CAMK2G: variants seen among roughly 807,000 people sequenced by gnomAD.
CAMK2G encodes calcium/calmodulin-dependent protein kinase type II subunit gamma.
A neutral mutation model predicts 88.7 loss-of-function variants in CAMK2G; 23 were observed. The ratio of observed to expected loss-of-function variants is 0.26; its 90% CI spans 0.19 to 0.37. CAMK2G has a LOEUF of 0.37. Among genes scored for constraint, CAMK2G ranks in the 10% least tolerant of loss-of-function variants. The probability of loss-of-function intolerance (pLI) is 1.00; values close to 1 mark genes in which losing one functional copy is unlikely to be tolerated. For missense variants in CAMK2G, 476 were observed against 780.8 expected (o/e 0.61, Z 4.65); for synonymous variants, 263 against 294.8 (o/e 0.89, Z 1.11).
intron 5 of CAMK2G, among the ~76,000 whole-genome samples, chr10:73,851,636 T>C (rs993698094): frequency 3.3e-5 from 5 of 151,264 alleles, no homozygotes; most frequent in Non-Finnish European, 5.9e-5. Context: ...GAGGGGGACA[T>C]TGGGCATGGT....
intron 2 of CAMK2G, among the ~76,000 whole-genome samples, chr10:73,864,073 G>A (rs1056482890): frequency 4.6e-5 from 7 of 152,148 alleles, no homozygotes; most frequent in African/African-American, 1.2e-4. Flanking sequence ...GGCTGGGCGC[G>A]GTGGGTCACG....
At chr10:73,847,416 C>T in intron 9 of CAMK2G, 69 bp from the exon 10 acceptor site, 1 of 1,532,488 alleles carries the variant, frequency 6.5e-7, no homozygotes, top group Non-Finnish European at 9.0e-7. Flanking sequence ...CTGGTTCTGT[C>T]TTCAACTCAA....
Position 73,815,375 on chromosome 10 carries a change from C to CA in CAMK2G, c.1535-129_1535-128insT, listed in dbSNP as rs1278122237. ...CCCAGAATCTCCAAGTACCGCCCCCCCCCACCCCCGAACCCCTGAACGCCC... is the reference window on the plus strand; with the variant it reads ...CCCAGAATCTCCAAGTACCGCCCCCCACCCACCCCCGAACCCCTGAACGCCC... On this transcript the variant is annotated intron_variant, in intron 21 of 22. Transcript: ENST00000423381. 4.0e-5 allele frequency: 26 copies of CA among 657,836 alleles called. No individual in the cohort carries two copies. In the East Asian group the frequency reaches 5.8e-4, roughly 15 times the overall value. The allele number at this position is 657,836 out of a possible 1,614,324, so 40.7% of individuals were successfully genotyped here.
At chr10:73,838,080 T>C (rs1019340843) in intron 13 of CAMK2G, among the ~76,000 whole-genome samples, 20 of 152,230 alleles carry the variant, frequency 1.3e-4, no homozygotes, top group African/African-American at 4.6e-4. Context: ...CACTGGGTCC[T>C]AGCTGCCACC....
At chr10:73,818,930 C>T (rs1251515262) in intron 19 of CAMK2G, 5 of 417,536 alleles carry the variant, frequency 1.2e-5, no homozygotes, top group Admixed American at 7.6e-5. Context: ...GATAACCCAT[C>T]GAGGCACCGT....
In CAMK2G at chr10:73,813,562, G is replaced by C. The variant is rs1307168326; in HGVS notation, c.*956C>G. On this transcript the variant is annotated 3_prime_UTR_variant, in exon 23 of 23. Transcript: ENST00000423381. ...AGCATGGGGACCACTACCGTGAAAAGGCAAGACAAAGATGGTCCAGATCAG... is the reference window on the plus strand; with the variant it reads ...AGCATGGGGACCACTACCGTGAAAACGCAAGACAAAGATGGTCCAGATCAG... The C allele has an allele frequency of 1.3e-5, 2 of 152,742 alleles. No individual in the cohort carries two copies. The highest frequency in any genetic ancestry group is 6.5e-5 in the Admixed American group (1 of 15,286). 9.5% of individuals were successfully genotyped at this position (152,742 alleles called of 1,614,324 possible). A position where few individuals can be genotyped will look rare whatever the true frequency, so the allele number is the denominator to read the frequency against.
chr10:73,827,582 G>A (rs533287112), intron 15 of CAMK2G, among the ~76,000 whole-genome samples: 2 of 152,344 alleles, frequency 1.3e-5, no homozygotes, highest in East Asian at 3.9e-4. Context: ...TCCCCCGAGG[G>A]CTGGGTGGGC....
At chr10:73,836,843 C>G (rs925522380) in intron 14 of CAMK2G, among the ~76,000 whole-genome samples, 1 of 152,218 alleles carries the variant, frequency 6.6e-6, no homozygotes, top group African/African-American at 2.4e-5. Flanking sequence ...CCCAGCAGGG[C>G]TCCTGGTGGG....
rs946151416 is a variant in CAMK2G, at chr10:73,839,549, C to T, written c.999G>A (p.Leu333=). ...ACTCATGCCACGTACCTTGCCCGGC[C>T]AGGCCGGCGGCGCTCGCGGCAGGCG... The part of the protein sequence containing the change: ...PASPAASAAG[L]AGQAAKSLLN... The change falls in exon 13 of 23, where the codon CTG becomes CTA. Residue 333 remains leucine (L), a synonymous_variant. Coordinates refer to ENST00000423381, the MANE Select transcript of CAMK2G (RefSeq NM_001367534.1). The surrounding 1 kb of genome is among the most constrained non-coding windows in gnomAD (Gnocchi z 4.2). 5 of 1,234,852 alleles carry T rather than the reference C, an allele frequency of 4.0e-6. No individual in the cohort carries two copies. The African/African-American group carries it at 7.8e-5, about 19-fold the overall frequency. The allele number at this position is 1,234,852 out of a possible 1,614,324, so 76.5% of individuals were successfully genotyped here. A position where few individuals can be genotyped will look rare whatever the true frequency, so the allele number is the denominator to read the frequency against.
chr10:73,858,748 CCAAA>C (rs1435315653), intron 3 of CAMK2G, among the ~76,000 whole-genome samples: 1 of 152,186 alleles, frequency 6.6e-6, no homozygotes, highest in African/African-American at 2.4e-5. Context: ...TAAAGGGCTA[CCAAA>C]CAGAGTGAAG....
At chr10:73,844,535 G>A (rs1005629878) in intron 10 of CAMK2G, among the ~76,000 whole-genome samples, 7 of 152,130 alleles carry the variant, frequency 4.6e-5, no homozygotes, top group Non-Finnish European at 1.0e-4. Context: ...AGCCTCCCAA[G>A]TAGCTGGGAT....
At chr10:73,819,390 C>T in intron 19 of CAMK2G, 142 bp downstream of exon 19, 1 of 672,988 alleles carries the variant, frequency 1.5e-6, no homozygotes, top group South Asian at 1.7e-5. Flanking sequence ...CCAGTCTACC[C>T]CCCACCCCCA....
At chr10:73,871,361 C>T (rs1428592797) in intron 2 of CAMK2G, among the ~76,000 whole-genome samples, 1 of 152,100 alleles carries the variant, frequency 6.6e-6, no homozygotes, top group Non-Finnish European at 1.5e-5. Flanking sequence ...AGGAAGTCAC[C>T]ACATCACCTA....
chr10:73,822,678 T>C (rs572921038), intron 17 of CAMK2G, among the ~76,000 whole-genome samples: 1 of 152,132 alleles, frequency 6.6e-6, no homozygotes, highest in South Asian at 2.1e-4. Context: ...TCCCTCTGCT[T>C]GATTACAAAG....
Position 73,819,575 on chromosome 10 carries a change from G to C in CAMK2G, c.1320C>G (p.Pro440=), listed in dbSNP as rs1237847275. 1.3e-6 allele frequency: 2 copies of C among 1,549,386 alleles called. No individual in the cohort carries two copies. Among genetic ancestry groups the C allele is most frequent in the Non-Finnish European group, 1.7e-6 (2 of 1,146,890 alleles). The part of the protein sequence containing the change: ...EGRSSRDRTA[P]SAGMQPQPSL... ...AAGGCTGGGGCTGCATGCCTGCAGA[G>C]GGGGCTGTTCTGTCCCGGGAGCTCC... The change falls in exon 19 of 23, where the codon CCC becomes CCG. Residue 440 remains proline, a synonymous_variant. Transcript: ENST00000423381.
chr10:73,854,062 G>A (rs553733457), intron 3 of CAMK2G, among the ~76,000 whole-genome samples: 2 of 152,294 alleles, frequency 1.3e-5, no homozygotes, highest in African/African-American at 4.8e-5. Context: ...TAAGTGGTGG[G>A]TCAAGATGTG....
Position 73,847,405 on chromosome 10 carries a change from A to G in CAMK2G, c.697-58T>C. The G allele has an allele frequency of 5.7e-6, 9 of 1,583,620 alleles. 1 individual carries two copies. In the South Asian group the frequency reaches 8.9e-5, roughly 16 times the overall value. On this transcript the variant is annotated intron_variant, in intron 9 of 22. Coordinates refer to ENST00000423381, the MANE Select transcript of CAMK2G (RefSeq NM_001367534.1). Reference sequence around the variant, plus strand: ...ATTGGTGAGCTTCATACCCTGCAACACTGGTTCTGTCTTCAACTCAACTCC... The same window carrying G: ...ATTGGTGAGCTTCATACCCTGCAACGCTGGTTCTGTCTTCAACTCAACTCC...
At position 73,849,044 on chromosome 10, in the gene CAMK2G, G is replaced by T; in HGVS notation, c.486C>A (p.Ile162=). The change falls in exon 7 of 23, where the codon ATC becomes ATA. Residue 162 remains isoleucine (I), a synonymous_variant. Transcript: ENST00000423381. ...AVKLADFGLA[I]EVQGEQQAWF... ...AAGCCTGCTGCTCTCCCTGTACTTC[G>T]ATGGCTAGGCCAAAATCAGCCAGCT... 1 of 1,613,570 alleles carries T rather than the reference G, an allele frequency of 6.2e-7. No individual in the cohort carries two copies. The highest frequency in any genetic ancestry group is 8.5e-7 in the Non-Finnish European group (1 of 1,179,518).
At chr10:73,847,822 T>C (rs543437424) in intron 9 of CAMK2G, among the ~76,000 whole-genome samples, 166 bp downstream of exon 9, 4 of 152,268 alleles carry the variant, frequency 2.6e-5, no homozygotes, top group Admixed American at 6.5e-5. Flanking sequence ...CCCTGGGACA[T>C]AGAGTGGCAA....
Sources: gnomAD v4.1 joint callset for allele counts (sites outside exome capture counted in the v4.1 genomes callset) on GRCh38, gnomAD v4.1.1 for gene constraint, Gnocchi (gnomAD v3.1) non-coding constraint, MANE v1.5 for transcripts, NCBI Gene and HGNC (gene_info 2026-07-23, HGNC 2026-07-21) for gene names.